PHACTR3: variants seen among roughly 807,000 people sequenced by gnomAD.
PHACTR3 encodes phosphatase and actin regulator 3, also known as protein phosphatase 1, regulatory subunit 123.
In PHACTR3, 16 loss-of-function variants were observed where a neutral mutation model predicts 66.8. The ratio of observed to expected loss-of-function variants is 0.24; its 90% confidence interval spans 0.16 to 0.36. The LOEUF is 0.36. Among genes scored for constraint, PHACTR3 ranks in the 10% least tolerant of loss-of-function variants. PHACTR3 has a pLI of 1.00. For synonymous variants in PHACTR3, 323 were observed against 292.1 expected (o/e 1.11, Z -1.08); for missense variants, 647 against 719.9 (o/e 0.90, Z 1.16).
chr20:59,774,374 G>C lies in PHACTR3; in HGVS notation c.1058G>C (p.Arg353Pro). 6.2e-7 allele frequency: 1 copy of C among 1,614,134 alleles called. No individual in the cohort carries two copies. The highest frequency in any genetic ancestry group is 8.5e-7 in the Non-Finnish European group (1 of 1,180,028). The change falls in exon 7 of 13, where the codon CGA (arginine) becomes CCA (proline). Residue 353 changes from arginine (R) to proline (P), a missense_variant. Physicochemically the swap from Arg to Pro is moderately radical, Grantham distance 103. Coordinates refer to ENST00000371015, the MANE Select transcript of PHACTR3 (RefSeq NM_080672.5). Reference protein sequence around the residue: ...WSFDGALENKRTAAKESEENK... With the variant: ...WSFDGALENKPTAAKESEENK... The stretch of plus-strand genomic sequence containing the variant: ...TTTGACGGGGCATTGGAGAACAAGC[G>C]AACTGCCGCTAAGGAATCTGAGGAG...
At chr20:59,608,964 A>G (rs2033762361) in intron 1 of PHACTR3, among the ~76,000 whole-genome samples, 1 of 152,184 alleles carries the variant, frequency 6.6e-6, no homozygotes, top group Non-Finnish European at 1.5e-5. Context: ...CTCAGCACAG[A>G]GCTCAGATGC....
chr20:59,597,248 A>G (rs1600883418), intron 1 of PHACTR3, among the ~76,000 whole-genome samples: 1 of 152,270 alleles, frequency 6.6e-6, no homozygotes, highest in East Asian at 1.9e-4. Context: ...TCACAAGATT[A>G]TAAATCAATG....
At chr20:59,827,404 A>G (rs1044049923) in intron 8 of PHACTR3, among the ~76,000 whole-genome samples, 4 of 152,192 alleles carry the variant, frequency 2.6e-5, no homozygotes, top group Non-Finnish European at 5.9e-5. Flanking sequence ...TGGGCAGGGC[A>G]GTCTAGAGTC....
At chr20:59,798,811 G>C (rs2041329285) in intron 7 of PHACTR3, among the ~76,000 whole-genome samples, 1 of 151,458 alleles carries the variant, frequency 6.6e-6, no homozygotes, top group African/African-American at 2.4e-5. Flanking sequence ...AATTTCATTG[G>C]TTTCTGCTTT....
At chr20:59,838,610 T>G (rs758584147) in intron 9 of PHACTR3, among the ~76,000 whole-genome samples, 7 of 152,186 alleles carry the variant, frequency 4.6e-5, no homozygotes, top group Non-Finnish European at 1.0e-4. Flanking sequence ...TTTTAATAAA[T>G]GAATATTGGG....
At chr20:59,714,375 A>AG (rs2038017583) in intron 1 of PHACTR3, among the ~76,000 whole-genome samples, 1 of 152,192 alleles carries the variant, frequency 6.6e-6, no homozygotes, top group Admixed American at 6.5e-5. Flanking sequence ...GTATGGTATG[A>AG]GGGAGGGATC....
intron 7 of PHACTR3, among the ~76,000 whole-genome samples, chr20:59,789,140 C>T (rs1298219106): frequency 1.3e-5 from 2 of 152,206 alleles, no homozygotes; most frequent in Admixed American, 1.3e-4. Flanking sequence ...GTGGAGACCC[C>T]TGGGTTAGCC....
rs566500739 is a variant in PHACTR3, at chr20:59,829,854, G to T, written c.1329-6651G>T. Among the ~76,000 whole-genome samples, 18 of 152,374 alleles carry T rather than the reference G, an allele frequency of 1.2e-4. No homozygotes were observed. Among genetic ancestry groups the T allele is most frequent in the African/African-American group, 4.3e-4 (18 of 41,596 alleles). On this transcript the variant is annotated intron_variant, in intron 8 of 12. Coordinates refer to ENST00000371015, the MANE Select transcript of PHACTR3 (RefSeq NM_080672.5). The surrounding 1 kb of genome is among the most constrained non-coding windows in gnomAD (Gnocchi z 4.2). Reference sequence around the variant, plus strand: ...GATTCAAACCTTTTCTGTGACATCTGTGCTGGGGTGAGATCAAGATTTGGG... The same window carrying T: ...GATTCAAACCTTTTCTGTGACATCTTTGCTGGGGTGAGATCAAGATTTGGG...
intron 4 of PHACTR3, among the ~76,000 whole-genome samples, chr20:59,765,585 G>T (rs891661116): frequency 6.6e-6 from 1 of 152,244 alleles, no homozygotes. Context: ...GGGAATGAGA[G>T]TTTAAAACTT....
At chr20:59,724,143 C>T (rs576481904) in intron 1 of PHACTR3, among the ~76,000 whole-genome samples, 437 of 152,310 alleles carry the variant, frequency 2.9e-3, no homozygotes, top group African/African-American at 0.01. Context: ...CGTGCACCCT[C>T]AGGGTCGGGA....
intron 7 of PHACTR3, among the ~76,000 whole-genome samples, chr20:59,783,865 A>G (rs1025098487): frequency 2.0e-5 from 3 of 152,248 alleles, no homozygotes; most frequent in African/African-American, 4.8e-5. Flanking sequence ...TGATTTGTGC[A>G]TCTGAAAGCA....
At chr20:59,757,364 G>T (rs1427669830) in intron 4 of PHACTR3, among the ~76,000 whole-genome samples, 1 of 152,220 alleles carries the variant, frequency 6.6e-6, no homozygotes, top group Non-Finnish European at 1.5e-5. Context: ...GAGCAGAGTG[G>T]GTCTGTTGAG....
At position 59,774,226 on chromosome 20, in the gene PHACTR3, C is replaced by T. The variant is rs751890768; in HGVS notation, c.927-17C>T. Reference sequence around the variant, plus strand: ...TGAAGGGGGTGACCTATAACCTGAACCATCTTTCTGGTTTAGTTTTCAAGG... The same window carrying T: ...TGAAGGGGGTGACCTATAACCTGAATCATCTTTCTGGTTTAGTTTTCAAGG... On this transcript the variant is annotated splice_polypyrimidine_tract_variant and intron_variant, in intron 6 of 12. Transcript: ENST00000371015. 6 of 1,561,658 alleles carry T rather than the reference C, an allele frequency of 3.8e-6. No individual in the cohort carries two copies. The highest frequency in any genetic ancestry group is 3.9e-5 in the Admixed American group (2 of 51,642).
intron 1 of PHACTR3, among the ~76,000 whole-genome samples, chr20:59,730,056 A>G (rs2038708875): frequency 6.6e-6 from 1 of 152,070 alleles, no homozygotes; most frequent in Admixed American, 6.5e-5. Flanking sequence ...TTTGGTTCTC[A>G]TATACTTGTT....
At chr20:59,815,418 G>T (rs960962356) in intron 8 of PHACTR3, among the ~76,000 whole-genome samples, 8 of 131,756 alleles carry the variant, frequency 6.1e-5, no homozygotes, top group Admixed American at 2.4e-4. Flanking sequence ...TGGGGTTCTG[G>T]TTTTTTTTTT....
At chr20:59,615,115 T>A (rs1222274435) in intron 1 of PHACTR3, among the ~76,000 whole-genome samples, 1 of 152,166 alleles carries the variant, frequency 6.6e-6, no homozygotes, top group Non-Finnish European at 1.5e-5. Context: ...AGGGGGCCTA[T>A]AGAAGTGTTC....
At chr20:59,653,444 A>C (rs1218794056) in intron 1 of PHACTR3, among the ~76,000 whole-genome samples, 4 of 152,086 alleles carry the variant, frequency 2.6e-5, no homozygotes, top group African/African-American at 9.7e-5. Flanking sequence ...TGGCCTCCCA[A>C]AAGTGCTAGG....
chr20:59,657,257 TTGTGTGTGTGTG>T (rs112043545), intron 1 of PHACTR3, among the ~76,000 whole-genome samples: 5 of 150,102 alleles, frequency 3.3e-5, no homozygotes, highest in African/African-American at 1.2e-4. Flanking sequence ...TAGAAGTGTG[TTGTGTGTGTGTG>T]TGTGTGTGTG....
Position 59,662,881 on chromosome 20 carries a change from G to A in PHACTR3, c.118+57749G>A, listed in dbSNP as rs183565723. 9.8e-5 allele frequency among the ~76,000 whole-genome samples: 15 copies of A among 152,306 alleles called. No individual in the cohort carries two copies. The East Asian group carries it at 2.7e-3, about 27-fold the overall frequency. ...TCACAGGGAGGGTGAAGGAGAGTAT[G>A]TGAGTCTCCTAGGGCTGCTATAACA... is the stretch of plus-strand genomic sequence containing the variant. On this transcript the variant is annotated intron_variant, in intron 1 of 12. Transcript: ENST00000371015.
Sources: allele counts gnomAD v4.1 joint callset (sites outside exome capture counted in the v4.1 genomes callset), GRCh38; gene constraint gnomAD v4.1.1; non-coding constraint Gnocchi (gnomAD v3.1); transcripts MANE v1.5; gene names NCBI Gene and HGNC (gene_info 2026-07-23, HGNC 2026-07-21).